PRMT7: variants seen among roughly 807,000 people sequenced by gnomAD.
The protein encoded by PRMT7 is protein arginine methyltransferase 7.
In PRMT7, 75 loss-of-function variants were observed where a neutral mutation model predicts 85.4. The observed-to-expected ratio is 0.88, with a 90% CI of 0.73 to 1.06. PRMT7 has a LOEUF of 1.06. PRMT7 is among the 50% of genes least tolerant of loss of function. PRMT7 has a pLI of 0.00. For synonymous variants in PRMT7, 397 were observed against 359.5 expected (o/e 1.10, Z -1.18); for missense variants, 868 against 915.2 (o/e 0.95, Z 0.67).
chr16:68,318,230 C>T (rs1323179209), intron 3 of PRMT7, among the ~76,000 whole-genome samples: 3 of 142,408 alleles, frequency 2.1e-5, no homozygotes, highest in Admixed American at 7.3e-5. Flanking sequence ...GACAGAGTCT[C>T]GCTCTGTTTC....
At chr16:68,336,260 T>C (rs1325008933) in intron 6 of PRMT7, among the ~76,000 whole-genome samples, 4 of 152,212 alleles carry the variant, frequency 2.6e-5, no homozygotes, top group Non-Finnish European at 1.5e-5. Context: ...CATTAAAAAT[T>C]ATAATTGTAG....
At chr16:68,324,990 C>T (rs565180519) in intron 5 of PRMT7, 158 bp downstream of exon 5, 9 of 859,446 alleles carry the variant, frequency 1.0e-5, no homozygotes, top group African/African-American at 1.7e-5. Flanking sequence ...GAGTCAGACA[C>T]AGTTCCTTCC....
Position 68,348,415 on chromosome 16 carries a change from A to T in PRMT7, c.1397A>T (p.Asp466Val). ...EKRPELLTNEDLQGRKVSLLL... is the reference protein window; with the variant it reads ...EKRPELLTNEVLQGRKVSLLL... Reference sequence around the variant, plus strand: ...CGGCCGGAATTATTAACAAATGAGGACCTACAGGGCAGAAAGGTGAGTAGC... The same window carrying T: ...CGGCCGGAATTATTAACAAATGAGGTCCTACAGGGCAGAAAGGTGAGTAGC... The change falls in exon 14 of 19, where the codon GAC (aspartate) becomes GTC (valine). Residue 466 changes from aspartate to valine, a missense_variant. Coordinates refer to ENST00000441236, the MANE Select transcript of PRMT7 (RefSeq NM_019023.5). 3.7e-6 allele frequency: 6 copies of T among 1,611,568 alleles called. No individual in the cohort carries two copies. Among genetic ancestry groups the T allele is most frequent in the Non-Finnish European group, 5.1e-6 (6 of 1,177,760 alleles).
intron 2 of PRMT7, among the ~76,000 whole-genome samples, chr16:68,312,905 A>T (rs1597066743): frequency 1.3e-5 from 2 of 152,130 alleles, no homozygotes; most frequent in Non-Finnish European, 1.5e-5. Context: ...GCTCACTGCA[A>T]CCTCTGCCTC....
chr16:68,329,247 A>G, intron 6 of PRMT7, 73 bp downstream of exon 6: 1 of 1,146,714 alleles, frequency 8.7e-7, no homozygotes, highest in South Asian at 1.3e-5. Context: ...TATTCCAGTT[A>G]CCTGGAACAA....
Position 68,356,704 on chromosome 16 carries a change from C to G in PRMT7, c.1815C>G (p.Pro605=), listed in dbSNP as rs373518587. 6 of 1,611,610 alleles carry G rather than the reference C, an allele frequency of 3.7e-6. No homozygotes were observed. In the East Asian group the frequency reaches 8.9e-5, roughly 24 times the overall value. ...CAEGTVELRR[P]GQSHAAVLWM... Reference sequence around the variant, plus strand: ...TGGGCCCCCCTCTCCTTGACAGGCCCGGGCAGAGCCACGCAGCGGTGCTAT... The same window carrying G: ...TGGGCCCCCCTCTCCTTGACAGGCCGGGGCAGAGCCACGCAGCGGTGCTAT... The change falls in exon 18 of 19, where the codon CCC becomes CCG. Residue 605 remains proline (P), a synonymous_variant. Coordinates refer to ENST00000441236, the MANE Select transcript of PRMT7 (RefSeq NM_019023.5).
In PRMT7 at chr16:68,333,559, A is replaced by T. The variant is rs8057519; in HGVS notation, c.392-3900A>T. ...GCTGGTCTTGAACGCCAGGCCTCAC[A>T]CAGTCCTTCTGCCTCAGCCTCCCAA... is the stretch of plus-strand genomic sequence containing the variant. On this transcript the variant is annotated intron_variant, in intron 6 of 18. Transcript: ENST00000441236. Among the ~76,000 whole-genome samples the T allele has an allele frequency of 1.8e-4, 27 of 152,124 alleles. 1 individual carries two copies. The highest frequency in any genetic ancestry group is 7.3e-5 in the Non-Finnish European group (5 of 68,032).
chr16:68,316,775 A>C (rs1466576217), intron 3 of PRMT7: 1 of 152,810 alleles, frequency 6.5e-6, no homozygotes, highest in African/African-American at 2.4e-5. Flanking sequence ...TCAAAAAAAA[A>C]GTATGTGAGT....
In PRMT7 at chr16:68,355,761, C is replaced by A. The variant is rs1310594024; in HGVS notation, c.1689C>A (p.Pro563=). The A allele has an allele frequency of 1.2e-6, 2 of 1,609,980 alleles. No homozygotes were observed. Among genetic ancestry groups the A allele is most frequent in the Admixed American group, 1.7e-5 (1 of 59,804 alleles). Residue 563 remains proline, a synonymous_variant, in exon 17 of 19, where the codon CCC becomes CCA. Coordinates refer to ENST00000441236, the MANE Select transcript of PRMT7 (RefSeq NM_019023.5). ...TCAGGGAGAGCAGGGAAGCTGAGCC[C>A]CACCCGCTGTGGGAGTACCCATGCC... ...LDFRESREAE[P]HPLWEYPCRS... is the part of the protein sequence containing the mutation.
At position 68,349,254 on chromosome 16, in the gene PRMT7, C is replaced by T. The variant is rs964709259; in HGVS notation, c.1413+823C>T. Among the ~76,000 whole-genome samples the T allele has an allele frequency of 9.9e-5, 15 of 152,112 alleles. 1 individual carries two copies. The highest frequency in any genetic ancestry group is 8.5e-4 in the Admixed American group (13 of 15,274). ...GGCTGCTCCTTACCTTGCACTGCTC[C>T]GTGGCACTCTCCCCGTGTCCCCCGC... On this transcript the variant is annotated intron_variant, in intron 14 of 18. Coordinates refer to ENST00000441236, the MANE Select transcript of PRMT7 (RefSeq NM_019023.5).
At chr16:68,335,810 A>C (rs1481959419) in intron 6 of PRMT7, among the ~76,000 whole-genome samples, 8 of 139,830 alleles carry the variant, frequency 5.7e-5, no homozygotes, top group African/African-American at 1.3e-4. Context: ...ATGGAGTCTC[A>C]CTCTGGCCCA....
In PRMT7 at chr16:68,345,764, C is replaced by T. The variant is rs200142711; in HGVS notation, c.1017C>T (p.His339=). The change falls in exon 10 of 19, where the codon CAC becomes CAT. Residue 339 remains histidine (H), a synonymous_variant. Transcript: ENST00000441236. ...QGSALYLVAH[H]DDYCVWYSLQ... Reference sequence around the variant, plus strand: ...CAGCGCTCTATCTGGTAGCCCACCACGATGACTACTGCGTATGGTACAGCC... The same window carrying T: ...CAGCGCTCTATCTGGTAGCCCACCATGATGACTACTGCGTATGGTACAGCC... 52 of 1,614,144 alleles carry T rather than the reference C, an allele frequency of 3.2e-5. No individual in the cohort carries two copies. Among genetic ancestry groups the T allele is most frequent in the Admixed American group, 2.7e-4 (16 of 60,022 alleles).
chr16:68,336,945 G>A (rs1462689472), intron 6 of PRMT7, among the ~76,000 whole-genome samples: 3 of 152,190 alleles, frequency 2.0e-5, no homozygotes, highest in African/African-American at 4.8e-5. Context: ...TAGAGATGGG[G>A]TTTCGCCATG....
chr16:68,360,691 G>C (rs868757890), downstream of PRMT7: 1 of 156,128 alleles, frequency 6.4e-6, no homozygotes, highest in African/African-American at 2.4e-5. Flanking sequence ...GCTGGTGGCC[G>C]TGCCCAGGAA....
chr16:68,312,850 A>T (rs1597065747), intron 2 of PRMT7, among the ~76,000 whole-genome samples: 1 of 152,150 alleles, frequency 6.6e-6, no homozygotes, highest in East Asian at 1.9e-4. Context: ...TTTGAGATAC[A>T]GTCTTGCTCT....
chr16:68,315,996 G>T lies in PRMT7; in HGVS notation c.17G>T (p.Ser6Ile), dbSNP rs764514742. 6.8e-6 allele frequency: 11 copies of T among 1,613,564 alleles called. No individual in the cohort carries two copies. Among genetic ancestry groups the T allele is most frequent in the Non-Finnish European group, 9.3e-6 (11 of 1,179,950 alleles). MKIFC[S>I]RANPTTGSVE... ...GTGGGCACCATGAAGATCTTCTGCA[G>T]TCGGGCCAATCCGACCACGGGGTCT... is the stretch of plus-strand genomic sequence containing the variant. The change falls in exon 3 of 19, where the codon AGT becomes ATT. Residue 6 changes from serine (S) to isoleucine (I), a missense_variant. Physicochemically the swap from Ser to Ile is moderately radical, Grantham distance 142. Coordinates refer to ENST00000441236, the MANE Select transcript of PRMT7 (RefSeq NM_019023.5).
At chr16:68,342,931 G>A (rs2085752381) in intron 9 of PRMT7, among the ~76,000 whole-genome samples, 1 of 152,080 alleles carries the variant, frequency 6.6e-6, no homozygotes, top group Admixed American at 6.5e-5. Flanking sequence ...AGTACTTTTG[G>A]CCGGTGGCTC....
rs145433823 is a variant in PRMT7 at position 68,355,723 on chromosome 16, C to A, written c.1651C>A (p.Arg551Ser). Reference protein sequence around the residue: ...DVHIMDDMIKRALDFRESREA... With the variant: ...DVHIMDDMIKSALDFRESREA... ...CCCCCAGGCCCCCTTCTGTTCGCAG[C>A]GTGCCCTGGACTTCAGGGAGAGCAG... is the stretch of plus-strand genomic sequence containing the variant. The change falls in exon 17 of 19, where the codon CGT becomes AGT. Residue 551 changes from arginine to serine, a missense_variant and splice_region_variant. Transcript: ENST00000441236. 3.8e-6 allele frequency: 6 copies of A among 1,585,978 alleles called. No individual in the cohort carries two copies. The East Asian group carries it at 1.4e-4, about 36-fold the overall frequency.
chr16:68,319,602 AAAAAGAACCC>A (rs1164990474), intron 3 of PRMT7, among the ~76,000 whole-genome samples: 1 of 151,452 alleles, frequency 6.6e-6, no homozygotes, highest in Non-Finnish European at 1.5e-5. Context: ...AAAAAAAAAA[AAAAAGAACCC>A]CCTTCTTTCA....
Sources: gnomAD v4.1 joint callset for allele counts (sites outside exome capture counted in the v4.1 genomes callset) on GRCh38, gnomAD v4.1.1 for gene constraint, MANE v1.5 for transcripts, NCBI Gene and HGNC (gene_info 2026-07-23, HGNC 2026-07-21) for gene names.